IMMP2L: variants seen among roughly 807,000 people sequenced by gnomAD.
IMMP2L encodes the protein inner mitochondrial membrane peptidase subunit 2.
In IMMP2L, 18 loss-of-function variants were observed where a neutral mutation model predicts 19.3. The observed-to-expected ratio is 0.93, with a 90% CI of 0.64 to 1.38. The LOEUF (loss-of-function observed/expected upper bound fraction) is 1.38, where lower values mean the gene tolerates loss of function less well. IMMP2L is among the 40% of genes most tolerant of loss of function. IMMP2L has a pLI of 0.00. For synonymous variants in IMMP2L, 76 were observed against 73.0 expected (o/e 1.04, Z -0.21); for missense variants, 233 against 218.2 (o/e 1.07, Z -0.43).
At chr7:111,450,262 A>C (rs1462253003) in intron 3 of IMMP2L, among the ~76,000 whole-genome samples, 2 of 150,808 alleles carry the variant, frequency 1.3e-5, no homozygotes, top group Non-Finnish European at 2.9e-5. Flanking sequence ...GGTCAATCCT[A>C]AGCCAAAAGA....
intron 3 of IMMP2L, among the ~76,000 whole-genome samples, chr7:111,424,639 C>T (rs995981882): frequency 6.6e-6 from 1 of 151,770 alleles, no homozygotes; most frequent in Admixed American, 6.6e-5. Context: ...AAAACTATAT[C>T]TTAAATATGA....
intron 3 of IMMP2L, among the ~76,000 whole-genome samples, chr7:111,141,422 C>A (rs916774226): frequency 6.6e-6 from 1 of 151,322 alleles, no homozygotes; most frequent in Non-Finnish European, 1.5e-5. Context: ...ACATAGTATG[C>A]CAGGGTTACA....
intron 5 of IMMP2L, among the ~76,000 whole-genome samples, chr7:110,866,007 C>T (rs1214493603): frequency 6.6e-6 from 1 of 151,996 alleles, no homozygotes; most frequent in Non-Finnish European, 1.5e-5. Context: ...GCAAAAGTAT[C>T]TCTGAATAAC....
rs961219623 is a variant in IMMP2L at position 111,075,882 on chromosome 7, C to T, written c.240-112317G>A. Among the ~76,000 whole-genome samples, 6 of 152,302 alleles carry T rather than the reference C, an allele frequency of 3.9e-5. No homozygotes were observed. In the South Asian group the frequency reaches 8.3e-4, roughly 21 times the overall value. ...TAAAAGGTAGCCCAGGCTTAACTCACTATTCTGAACTATTAGAAAAAAACA... is the reference window on the plus strand; with the variant it reads ...TAAAAGGTAGCCCAGGCTTAACTCATTATTCTGAACTATTAGAAAAAAACA... On this transcript the variant is annotated intron_variant, in intron 3 of 5. Transcript: ENST00000405709.
intron 3 of IMMP2L, among the ~76,000 whole-genome samples, chr7:111,211,520 G>T (rs1432382885): frequency 6.6e-6 from 1 of 152,168 alleles, no homozygotes; most frequent in Non-Finnish European, 1.5e-5. Flanking sequence ...TAATCTGTAA[G>T]AAACAAGGAC....
chr7:111,094,418 T>A (rs1264820240), intron 3 of IMMP2L, among the ~76,000 whole-genome samples: 1 of 152,066 alleles, frequency 6.6e-6, no homozygotes, highest in Non-Finnish European at 1.5e-5. Flanking sequence ...CTAAAATGAT[T>A]TAAAATAATG....
chr7:110,882,772 TG>T (rs1299818995), intron 5 of IMMP2L, among the ~76,000 whole-genome samples: 2 of 150,028 alleles, frequency 1.3e-5, no homozygotes, highest in South Asian at 2.1e-4. Flanking sequence ...CTTTTTCTTT[TG>T]TTTTTTTTTT....
chr7:111,416,255 C>T (rs985618694), intron 3 of IMMP2L, among the ~76,000 whole-genome samples: 5 of 151,792 alleles, frequency 3.3e-5, no homozygotes, highest in African/African-American at 7.3e-5. Context: ...ATTTCTTCCC[C>T]GTGCTAGGCA....
chr7:111,187,786 C>T (rs1808433513), intron 3 of IMMP2L, among the ~76,000 whole-genome samples: 1 of 152,098 alleles, frequency 6.6e-6, no homozygotes, highest in Non-Finnish European at 1.5e-5. Context: ...AACTGAAGCA[C>T]AGAGACCTTG....
chr7:110,794,887 C>T (rs1233499516), intron 5 of IMMP2L, among the ~76,000 whole-genome samples: 3 of 152,008 alleles, frequency 2.0e-5, no homozygotes, highest in Non-Finnish European at 4.4e-5. Flanking sequence ...GATATATACA[C>T]ACACATACAG....
intron 4 of IMMP2L, among the ~76,000 whole-genome samples, chr7:110,901,793 CAG>C (rs1811892153): frequency 6.6e-6 from 1 of 152,030 alleles, no homozygotes; most frequent in Non-Finnish European, 1.5e-5. Flanking sequence ...AGTAACATAA[CAG>C]ATTATTTTTT....
At chr7:110,696,270 A>G (rs1049437052) in intron 5 of IMMP2L, among the ~76,000 whole-genome samples, 3 of 152,148 alleles carry the variant, frequency 2.0e-5, no homozygotes, top group African/African-American at 7.2e-5. Context: ...GGAGGTTTCT[A>G]AGTAGTGAGT....
chr7:111,410,356 C>T (rs1834291347), intron 3 of IMMP2L, among the ~76,000 whole-genome samples: 1 of 151,394 alleles, frequency 6.6e-6, no homozygotes, highest in Admixed American at 6.6e-5. Flanking sequence ...TAAATGCCTA[C>T]CAAAAAAGTG....
chr7:110,879,500 T>G (rs1386592530), intron 5 of IMMP2L, among the ~76,000 whole-genome samples: 1 of 152,292 alleles, frequency 6.6e-6, no homozygotes, highest in South Asian at 2.1e-4. Flanking sequence ...TGTAACTTGG[T>G]GTCTTTGTAT....
At chr7:111,363,681 A>C (rs1829470399) in intron 3 of IMMP2L, among the ~76,000 whole-genome samples, 1 of 152,016 alleles carries the variant, frequency 6.6e-6, no homozygotes, top group Non-Finnish European at 1.5e-5. Context: ...CAAGAGTAGA[A>C]TTTATATAAC....
At chr7:110,902,175 A>T (rs1180658528) in intron 4 of IMMP2L, among the ~76,000 whole-genome samples, 1 of 152,002 alleles carries the variant, frequency 6.6e-6, no homozygotes, top group Non-Finnish European at 1.5e-5. Context: ...AAAGCTTCTG[A>T]CCTCAAAAAC....
intron 5 of IMMP2L, among the ~76,000 whole-genome samples, chr7:110,778,234 G>A (rs1186620790): frequency 6.6e-6 from 1 of 151,808 alleles, no homozygotes; most frequent in Non-Finnish European, 1.5e-5. Context: ...AAGAAAAACA[G>A]ACTTTAAATT....
chr7:111,449,892 C>A (rs1838943404), intron 3 of IMMP2L, among the ~76,000 whole-genome samples: 1 of 132,538 alleles, frequency 7.5e-6, no homozygotes, highest in South Asian at 2.3e-4. Context: ...GTACAAGAAT[C>A]ACAAGCATTC....
chr7:111,006,417 C>T (rs911822176), intron 3 of IMMP2L, among the ~76,000 whole-genome samples: 2 of 152,100 alleles, frequency 1.3e-5, no homozygotes, highest in African/African-American at 4.8e-5. Flanking sequence ...AGACTTTTAA[C>T]ACTAAAAGTG....
Sources: gnomAD v4.1 joint callset for allele counts (sites outside exome capture counted in the v4.1 genomes callset) on GRCh38, gnomAD v4.1.1 for gene constraint, MANE v1.5 for transcripts, NCBI Gene and HGNC (gene_info 2026-07-23, HGNC 2026-07-21) for gene names.